Variants in AFF3 observed in about 807,000 individuals in gnomAD.
The protein encoded by AFF3 is AF4/FMR2 family member 3.
A neutral mutation model predicts 129.7 loss-of-function variants in AFF3; 32 were observed. That is an observed-to-expected ratio of 0.25 (90% CI 0.19 to 0.33). The LOEUF (loss-of-function observed/expected upper bound fraction) is 0.33. Ranked by LOEUF, AFF3 falls within the 10% of genes least tolerant of loss-of-function variation. The pLI, the probability that AFF3 is intolerant of heterozygous loss-of-function variation, is 1.00. For synonymous variants in AFF3, 644 were observed against 635.4 expected, an observed-to-expected ratio of 1.01 and a Z score of -0.20; for missense variants, 1,373 against 1,592.0, an observed-to-expected ratio of 0.86 and a Z score of 2.34.
At chr2:99,680,265 C>G (rs1345385852) in intron 11 of AFF3, among the ~76,000 whole-genome samples, 1 of 152,174 alleles carries the variant, frequency 6.6e-6, no homozygotes, top group Non-Finnish European at 1.5e-5. Flanking sequence ...CACTTTAACC[C>G]GGAGTGCTTT....
intron 8 of AFF3, among the ~76,000 whole-genome samples, chr2:99,756,976 G>A (rs919425565): frequency 3.3e-5 from 5 of 152,120 alleles, no homozygotes; most frequent in Admixed American, 3.3e-4. Flanking sequence ...TGTTGTCAAG[G>A]GCATTGGATT....
chr2:99,608,634 G>A (rs1034907957), intron 13 of AFF3, among the ~76,000 whole-genome samples: 12 of 152,164 alleles, frequency 7.9e-5, no homozygotes, highest in African/African-American at 1.7e-4. Context: ...CTCCCCAGCC[G>A]AGGGGAAGGA....
At chr2:99,590,647 G>A (rs553124303) in intron 15 of AFF3, among the ~76,000 whole-genome samples, 3 of 152,184 alleles carry the variant, frequency 2.0e-5, no homozygotes, top group Admixed American at 6.5e-5. Context: ...GCCCACTGCC[G>A]GCTAATAATG....
intron 2 of AFF3, chr2:100,107,512 T>C: frequency 1.0e-6 from 1 of 985,294 alleles, no homozygotes; most frequent in Admixed American, 6.1e-5. Flanking sequence ...TGATGTTTTC[T>C]ATGAAGCTGC....
chr2:100,040,510 A>C lies in AFF3; in HGVS notation c.54-31578T>G, dbSNP rs190266815. Among the ~76,000 whole-genome samples the C allele has an allele frequency of 1.5e-4, 23 of 152,372 alleles. No homozygotes were observed. The East Asian group carries it at 1.9e-3, about 13-fold the overall frequency. ...AAGATCATGAATCCCTTTTCTAATC[A>C]TGAGCAATAAGAGAAACAAAAATGT... is the stretch of plus-strand genomic sequence containing the variant. On this transcript the variant is annotated intron_variant, in intron 4 of 24. Coordinates refer to ENST00000672756, the MANE Select transcript of AFF3 (RefSeq NM_001386135.1).
intron 7 of AFF3, among the ~76,000 whole-genome samples, chr2:99,945,165 G>A (rs1167178562): frequency 1.3e-5 from 2 of 152,196 alleles, no homozygotes; most frequent in African/African-American, 2.4e-5. Context: ...CACAGGAACC[G>A]GCAATCAATC....
intron 7 of AFF3, among the ~76,000 whole-genome samples, chr2:99,859,990 C>T (rs1218371223): frequency 6.6e-6 from 1 of 152,176 alleles, no homozygotes; most frequent in Non-Finnish European, 1.5e-5. Context: ...CTAAGAAATG[C>T]ATATATTCTC....
intron 8 of AFF3, among the ~76,000 whole-genome samples, chr2:99,806,704 C>A (rs1686380423): frequency 6.6e-6 from 1 of 152,118 alleles, no homozygotes; most frequent in African/African-American, 2.4e-5. Context: ...CACGCCCCCA[C>A]CCTCATTCAA....
chr2:99,791,009 CA>C, intron 8 of AFF3, among the ~76,000 whole-genome samples: 1 of 152,266 alleles, frequency 6.6e-6, no homozygotes. Flanking sequence ...GAGTAAATCT[CA>C]AAAACAGTTT....
At chr2:99,992,429 T>G (rs1038576125) in intron 7 of AFF3, among the ~76,000 whole-genome samples, 1 of 152,210 alleles carries the variant, frequency 6.6e-6, no homozygotes, top group African/African-American at 2.4e-5. Flanking sequence ...TCCAAAGACG[T>G]TTTCATATCA....
At chr2:99,561,852 G>A (rs910339788) in intron 20 of AFF3, among the ~76,000 whole-genome samples, 3 of 152,014 alleles carry the variant, frequency 2.0e-5, no homozygotes, top group Admixed American at 2.0e-4. Context: ...TTTAAGGGTG[G>A]GTCTTTTAGA....
At chr2:99,983,617 A>G (rs1340378476) in intron 7 of AFF3, among the ~76,000 whole-genome samples, 2 of 152,290 alleles carry the variant, frequency 1.3e-5, no homozygotes, top group East Asian at 3.9e-4. Context: ...TTATCTACTG[A>G]CTTCAGAAAG....
intron 13 of AFF3, among the ~76,000 whole-genome samples, chr2:99,602,334 A>G (rs1679917024): frequency 6.6e-6 from 1 of 152,178 alleles, no homozygotes; most frequent in African/African-American, 2.4e-5. Context: ...TTAAAATTCA[A>G]TCCCGGTGCT....
At position 99,931,412 on chromosome 2, in the gene AFF3, G is replaced by A. The variant is rs151135818; in HGVS notation, c.873+75220C>T. ...GCACAATATATGGATCTTTTATAAG[G>A]GAGAAAAAAGGTATTATTGATCGAT... On this transcript the variant is annotated intron_variant, in intron 7 of 24. Coordinates refer to ENST00000672756, the MANE Select transcript of AFF3 (RefSeq NM_001386135.1). Among the ~76,000 whole-genome samples the A allele has an allele frequency of 2.2e-3, 331 of 152,222 alleles. 1 individual carries two copies. Among genetic ancestry groups the A allele is most frequent in the African/African-American group, 7.7e-3 (321 of 41,542 alleles).
intron 7 of AFF3, among the ~76,000 whole-genome samples, chr2:99,990,094 T>A (rs375524684): frequency 6.6e-6 from 1 of 152,124 alleles, no homozygotes; most frequent in Non-Finnish European, 1.5e-5. Flanking sequence ...ACAGACATTA[T>A]CAAGGGCCTT....
intron 12 of AFF3, among the ~76,000 whole-genome samples, chr2:99,661,850 C>A (rs1295340374): frequency 6.6e-6 from 1 of 152,118 alleles, no homozygotes; most frequent in Non-Finnish European, 1.5e-5. Context: ...TTATAAAATA[C>A]AATTACTGGC....
chr2:99,679,609 C>A (rs1027387721), intron 11 of AFF3, among the ~76,000 whole-genome samples: 5 of 152,152 alleles, frequency 3.3e-5, no homozygotes, highest in Admixed American at 2.6e-4. Flanking sequence ...AGAAAATAAG[C>A]AGAAATAAAA....
At chr2:100,014,051 A>AG (rs1198263907) in intron 4 of AFF3, among the ~76,000 whole-genome samples, 1 of 150,902 alleles carries the variant, frequency 6.6e-6, no homozygotes, top group Non-Finnish European at 1.5e-5. Flanking sequence ...CCAGCCAGCC[A>AG]GGGGGGGATG....
chr2:100,012,401 T>C (rs1258261879), intron 4 of AFF3, among the ~76,000 whole-genome samples: 3 of 152,144 alleles, frequency 2.0e-5, no homozygotes, highest in East Asian at 1.9e-4. Context: ...CCACCACATA[T>C]CATTTCATGG....
Sources: gnomAD v4.1 joint callset for allele counts (sites outside exome capture counted in the v4.1 genomes callset) on GRCh38, gnomAD v4.1.1 for gene constraint, MANE v1.5 for transcripts, NCBI Gene and HGNC (gene_info 2026-07-23, HGNC 2026-07-21) for gene names.